Variants in GTF2E2 observed in about 807,000 individuals in gnomAD.
The protein encoded by GTF2E2 is general transcription factor IIE subunit 2, also known as transcription initiation factor IIE subunit beta.
GTF2E2 carries 21 observed loss-of-function variants against 40.5 expected under a neutral mutation model. The observed-to-expected ratio is 0.52, with a 90% CI of 0.37 to 0.75. The LOEUF is 0.75. Ranked by LOEUF, GTF2E2 falls within the 30% of genes least tolerant of loss-of-function variation. The probability of loss-of-function intolerance (pLI) is 0.00; values close to 1 mark genes in which losing one functional copy is unlikely to be tolerated. For synonymous variants in GTF2E2, 117 were observed against 121.6 expected (o/e 0.96, Z 0.25); for missense variants, 298 against 338.4 (o/e 0.88, Z 0.94).
intron 3 of GTF2E2, among the ~76,000 whole-genome samples, chr8:30,617,066 C>T (rs1020899959): frequency 3.9e-5 from 6 of 152,040 alleles, no homozygotes; most frequent in Admixed American, 2.0e-4. Context: ...TACAACTTTA[C>T]TTTTTGTACA....
intron 3 of GTF2E2, among the ~76,000 whole-genome samples, chr8:30,631,867 A>G (rs1801445787): frequency 6.6e-6 from 1 of 152,216 alleles, no homozygotes; most frequent in African/African-American, 2.4e-5. Flanking sequence ...AGGCTGAGGC[A>G]GGCGGATCAC....
chr8:30,614,810 A>C, intron 3 of GTF2E2, 95 bp from the exon 4 acceptor site: 1 of 691,548 alleles, frequency 1.4e-6, no homozygotes, highest in South Asian at 1.8e-5. Context: ...GGAATGAAAA[A>C]CATGTATTAT....
At chr8:30,617,815 TG>T (rs1800967371) in intron 3 of GTF2E2, among the ~76,000 whole-genome samples, 1 of 148,952 alleles carries the variant, frequency 6.7e-6, no homozygotes, top group Admixed American at 6.7e-5. Context: ...TCAGAAGAAA[TG>T]AAAGAGAAAA....
intron 2 of GTF2E2, among the ~76,000 whole-genome samples, chr8:30,652,133 GA>G (rs1162559380): frequency 6.6e-6 from 1 of 151,786 alleles, no homozygotes; most frequent in Non-Finnish European, 1.5e-5. Context: ...GGAAAACACA[GA>G]AAAAAATTTT....
chr8:30,655,075 C>T lies in GTF2E2; in HGVS notation c.-4-1473G>A, dbSNP rs557902423. 2.0e-5 allele frequency among the ~76,000 whole-genome samples: 3 copies of T among 152,020 alleles called. No homozygotes were observed. In the South Asian group the frequency reaches 6.2e-4, roughly 32 times the overall value. On this transcript the variant is annotated intron_variant, in intron 1 of 7. Coordinates refer to ENST00000355904, the MANE Select transcript of GTF2E2 (RefSeq NM_002095.6). ...AATTAGCCAGTCATAGTGACACATA[C>T]GTGTAGTCCGGGCTACTCAGAACGC...
chr8:30,630,059 T>C (rs767729296), intron 3 of GTF2E2, among the ~76,000 whole-genome samples: 22 of 152,258 alleles, frequency 1.4e-4, no homozygotes, highest in Non-Finnish European at 2.9e-4. Flanking sequence ...CTTACTCCTT[T>C]AAGCAATAAA....
At chr8:30,616,739 G>A (rs550054581) in intron 3 of GTF2E2, among the ~76,000 whole-genome samples, 1 of 152,026 alleles carries the variant, frequency 6.6e-6, no homozygotes, top group African/African-American at 2.4e-5. Flanking sequence ...AGCTGTGGGG[G>A]GATGGGCAGG....
chr8:30,606,611 C>T (rs1829321448), intron 6 of GTF2E2, among the ~76,000 whole-genome samples: 1 of 152,152 alleles, frequency 6.6e-6, no homozygotes, highest in Non-Finnish European at 1.5e-5. Flanking sequence ...TCCAACTCCA[C>T]AATTTCCAGA....
chr8:30,583,395 G>A (rs1487649956), intron 6 of GTF2E2, among the ~76,000 whole-genome samples: 3 of 152,036 alleles, frequency 2.0e-5, no homozygotes, highest in Non-Finnish European at 4.4e-5. Flanking sequence ...CTGTTTGTTT[G>A]TTGAGACAGG....
chr8:30,642,288 AG>A (rs1042241536), intron 2 of GTF2E2, among the ~76,000 whole-genome samples: 10 of 104,988 alleles, frequency 9.5e-5, no homozygotes, highest in African/African-American at 3.4e-4. Context: ...GAATTAAAGG[AG>A]AAAAGCCAAA....
chr8:30,607,249 A>G (rs994558007), intron 5 of GTF2E2, 99 bp from the exon 6 acceptor site: 1 of 524,842 alleles, frequency 1.9e-6, no homozygotes, highest in Admixed American at 3.5e-5. Flanking sequence ...TTTCCTTAAC[A>G]CACTCAGTAT....
At chr8:30,628,714 G>A (rs548421084) in intron 3 of GTF2E2, among the ~76,000 whole-genome samples, 11 of 152,202 alleles carry the variant, frequency 7.2e-5, no homozygotes, top group South Asian at 6.2e-4. Context: ...GGCAGATCAC[G>A]AAGTTAGGAG....
At chr8:30,650,678 C>G (rs554976527) in intron 2 of GTF2E2, among the ~76,000 whole-genome samples, 3 of 151,792 alleles carry the variant, frequency 2.0e-5, no homozygotes, top group Non-Finnish European at 2.9e-5. Context: ...TGATCATGCC[C>G]GTACTCCAGC....
chr8:30,629,818 G>C (rs565645851), intron 3 of GTF2E2, among the ~76,000 whole-genome samples: 2 of 152,072 alleles, frequency 1.3e-5, no homozygotes, highest in African/African-American at 4.8e-5. Flanking sequence ...GCTGGCTGGA[G>C]AATGACACTG....
chr8:30,624,019 G>A (rs1426125140), intron 3 of GTF2E2, among the ~76,000 whole-genome samples: 1 of 152,038 alleles, frequency 6.6e-6, no homozygotes, highest in South Asian at 2.1e-4. Context: ...AGTTTAATTA[G>A]ATCCCATTTG....
intron 3 of GTF2E2, among the ~76,000 whole-genome samples, chr8:30,620,701 AAT>A (rs1368392627): frequency 1.4e-5 from 1 of 71,034 alleles, no homozygotes; most frequent in African/African-American, 8.6e-5. Flanking sequence ...GACGTGGGTG[AAT>A]CACCTGAGTT....
intron 6 of GTF2E2, among the ~76,000 whole-genome samples, chr8:30,590,060 A>G (rs1024144566): frequency 1.8e-4 from 27 of 152,244 alleles, no homozygotes; most frequent in African/African-American, 5.8e-4. Context: ...TGATAATGAT[A>G]TAGACAGTTC....
At chr8:30,603,303 T>C (rs1829233048) in intron 6 of GTF2E2, among the ~76,000 whole-genome samples, 1 of 152,108 alleles carries the variant, frequency 6.6e-6, no homozygotes, top group Non-Finnish European at 1.5e-5. Flanking sequence ...AAGTAAATGA[T>C]GGGGAGATTA....
intron 3 of GTF2E2, among the ~76,000 whole-genome samples, chr8:30,620,076 T>A (rs546281096): frequency 1.4e-4 from 22 of 152,068 alleles, no homozygotes; most frequent in Middle Eastern, 6.8e-3. Flanking sequence ...CCCCTTTATG[T>A]CTCCAGAAGG....
Sources: allele counts gnomAD v4.1 joint callset (sites outside exome capture counted in the v4.1 genomes callset), GRCh38; gene constraint gnomAD v4.1.1; transcripts MANE v1.5; gene names NCBI Gene and HGNC (gene_info 2026-07-23, HGNC 2026-07-21).